The following PRH1 variants were observed in gnomAD, a reference collection of about 807,000 sequenced individuals.
PRH1 encodes the protein proline rich protein HaeIII subfamily 1.
In PRH1, 7 loss-of-function variants were observed where a neutral mutation model predicts 7.9. That is an observed-to-expected ratio of 0.89 (90% CI 0.50 to 1.67). The LOEUF (loss-of-function observed/expected upper bound fraction) is 1.67, where lower values mean the gene tolerates loss of function less well. Ranked by LOEUF, PRH1 falls within the 40% of genes most tolerant of loss-of-function variation. PRH1 has a pLI of 0.00. For synonymous variants in PRH1, 45 were observed against 80.8 expected, an observed-to-expected ratio of 0.56 and a Z score of 2.38; for missense variants, 109 against 223.6, an observed-to-expected ratio of 0.49 and a Z score of 3.27.
intron 1 of PRH1, chr12:11,022,692 T>C: frequency 1.4e-6 from 1 of 737,826 alleles, no homozygotes; most frequent in Non-Finnish European, 2.2e-6. Context: ...TGCCTTTAAA[T>C]TCAGTGACTA....
chr12:11,092,640 C>T (rs866918531), intron 1 of PRH1, among the ~76,000 whole-genome samples: 3 of 109,614 alleles, frequency 2.7e-5, no homozygotes, highest in African/African-American at 6.0e-5. Context: ...AGCTACAGAG[C>T]GCTGATTGCT....
intron 1 of PRH1, among the ~76,000 whole-genome samples, chr12:11,124,661 T>C (rs902812607): frequency 1.4e-5 from 2 of 146,908 alleles, no homozygotes; most frequent in Admixed American, 6.9e-5. Flanking sequence ...GTCCAAATTA[T>C]GTATGTAAAT....
intron 1 of PRH1, among the ~76,000 whole-genome samples, chr12:10,982,059 G>T (rs1939384215): frequency 6.6e-6 from 1 of 151,994 alleles, no homozygotes; most frequent in African/African-American, 2.4e-5. Context: ...ACCCAAAGGG[G>T]TTCTAATGAG....
At chr12:10,891,090 A>T (rs1170585360) in intron 2 of PRH1, among the ~76,000 whole-genome samples, 1 of 152,154 alleles carries the variant, frequency 6.6e-6, no homozygotes, top group Non-Finnish European at 1.5e-5. Context: ...TTGGGTCAGG[A>T]AGATCTCAGG....
chr12:11,072,769 C>T (rs78374716), intron 1 of PRH1, among the ~76,000 whole-genome samples: 46,821 of 100,014 alleles, frequency 0.47, 6,868 homozygotes, highest in Non-Finnish European at 0.56. Context: ...ATGTGGCTCT[C>T]GATTAAGTGA....
chr12:10,889,118 A>G (rs1203046517), upstream of PRH1, among the ~76,000 whole-genome samples: 1 of 152,176 alleles, frequency 6.6e-6, no homozygotes, highest in Non-Finnish European at 1.5e-5. Flanking sequence ...TTCATTCTTG[A>G]TGTTCCACAA....
intron 1 of PRH1, among the ~76,000 whole-genome samples, chr12:11,014,761 C>T (rs1164406085): frequency 2.0e-5 from 3 of 152,128 alleles, no homozygotes; most frequent in Admixed American, 6.6e-5. Flanking sequence ...AGACCTGTAG[C>T]CATTTCCCAG....
chr12:10,920,129 A>AC (rs1160464786), intron 2 of PRH1, among the ~76,000 whole-genome samples: 4 of 152,028 alleles, frequency 2.6e-5, no homozygotes, highest in African/African-American at 9.7e-5. Context: ...CCTTAACTCA[A>AC]GTGATCTTCC....
intron 2 of PRH1, among the ~76,000 whole-genome samples, chr12:10,900,301 T>C (rs1238482370): frequency 6.6e-6 from 1 of 152,158 alleles, no homozygotes; most frequent in Admixed American, 6.5e-5. Context: ...GGAGAAAGGC[T>C]TAGAGACATT....
chr12:11,052,638 A>AC (rs1943194048), intron 1 of PRH1, among the ~76,000 whole-genome samples: 16 of 147,260 alleles, frequency 1.1e-4, no homozygotes, highest in South Asian at 6.5e-4. Flanking sequence ...AGGTGTTTTG[A>AC]TGATAGCATC....
chr12:11,098,313 C>G (rs765568134), intron 1 of PRH1, among the ~76,000 whole-genome samples: 7 of 151,560 alleles, frequency 4.6e-5, no homozygotes, highest in Middle Eastern at 3.4e-3. Flanking sequence ...CAGTGTCAAG[C>G]CAGAAATCAC....
chr12:10,902,223 T>C (rs183166062), intron 2 of PRH1, among the ~76,000 whole-genome samples: 7 of 152,052 alleles, frequency 4.6e-5, no homozygotes, highest in Admixed American at 3.9e-4. Context: ...AAAGTACAAT[T>C]GAATTCATAT....
intron 1 of PRH1, among the ~76,000 whole-genome samples, chr12:11,057,274 AG>A (rs1253512161): frequency 2.6e-5 from 4 of 152,212 alleles, no homozygotes; most frequent in African/African-American, 9.6e-5. Context: ...CTAAGACTAC[AG>A]GCATGAGCCA....
intron 2 of PRH1, chr12:10,908,587 G>A: frequency 2.5e-6 from 4 of 1,613,942 alleles, no homozygotes; most frequent in Non-Finnish European, 3.4e-6. Flanking sequence ...TAGAATAAAA[G>A]GAATGAGATC....
intron 2 of PRH1, among the ~76,000 whole-genome samples, chr12:10,962,015 C>T (rs774307966): frequency 6.6e-6 from 1 of 152,196 alleles, no homozygotes; most frequent in African/African-American, 2.4e-5. Context: ...TCACTTTCCA[C>T]GTGCTCTTGC....
Position 11,067,255 on chromosome 12 carries a change from A to G in PRH1, n.124-20067T>C, listed in dbSNP as rs148018097. On this transcript the variant is annotated intron_variant and non_coding_transcript_variant, in intron 1 of 4. Coordinates refer to the PRH1 transcript ENST00000541977. Reference sequence around the variant, plus strand: ...TTTATATTAACAAAATATTTTACCCAACACACAGGTGTACACATGATTAGT... The same window carrying G: ...TTTATATTAACAAAATATTTTACCCGACACACAGGTGTACACATGATTAGT... Among the ~76,000 whole-genome samples the G allele has an allele frequency of 3.9e-3, 589 of 152,310 alleles. 1 individual carries two copies. Among genetic ancestry groups the G allele is most frequent in the African/African-American group, 0.013 (561 of 41,564 alleles).
intron 1 of PRH1, among the ~76,000 whole-genome samples, chr12:11,123,173 AT>A (rs1945970618): frequency 1.2e-5 from 1 of 81,728 alleles, no homozygotes; most frequent in Non-Finnish European, 3.0e-5. Flanking sequence ...TGATTCATTT[AT>A]TTTCACTTCT....
At chr12:11,067,625 G>A (rs1476982916) in intron 1 of PRH1, among the ~76,000 whole-genome samples, 1 of 152,184 alleles carries the variant, frequency 6.6e-6, no homozygotes, top group East Asian at 1.9e-4. Flanking sequence ...ATTTTGGAAG[G>A]CTGAGGCAGT....
At chr12:11,050,810 AGATTTAAGACG>A (rs1943111876), upstream of PRH1, among the ~76,000 whole-genome samples, 1 of 152,290 alleles carries the variant, frequency 6.6e-6, no homozygotes, top group Admixed American at 6.5e-5. Flanking sequence ...CTTTACACAG[AGATTTAAGACG>A]GTTTCCATAT....
Sources: allele counts gnomAD v4.1 joint callset (sites outside exome capture counted in the v4.1 genomes callset), GRCh38; gene constraint gnomAD v4.1.1; transcripts MANE v1.5; gene names NCBI Gene and HGNC (gene_info 2026-07-23, HGNC 2026-07-21).